CCR6: variants seen among roughly 807,000 people sequenced by gnomAD.
CCR6 encodes C-C chemokine receptor type 6.
Under a neutral mutation model 3.0 loss-of-function variants are expected in CCR6, and 2 were observed. The observed-to-expected ratio is 0.66, with a 90% CI of 0.27 to 2.07. The LOEUF (loss-of-function observed/expected upper bound fraction) is 2.07. Among genes scored for constraint, CCR6 ranks in the 30% most tolerant of loss-of-function variants. The pLI is 0.14. For missense variants in CCR6, 322 were observed against 462.8 expected (o/e 0.70, Z 2.79); for synonymous variants, 193 against 184.3 (o/e 1.05, Z -0.38).
At chr6:167,123,814 A>G (rs1031891268) in intron 1 of CCR6, among the ~76,000 whole-genome samples, 2 of 152,160 alleles carry the variant, frequency 1.3e-5, no homozygotes, top group African/African-American at 4.8e-5. Context: ...ATACACAATG[A>G]TATTAAAGGG....
chr6:167,117,019 C>T (rs1781503774), intron 1 of CCR6: 1 of 152,320 alleles, frequency 6.6e-6, no homozygotes, highest in Admixed American at 6.5e-5. Context: ...TCCTGTCGTC[C>T]TCCTGTGGCG....
intron 1 of CCR6, among the ~76,000 whole-genome samples, chr6:167,133,565 A>G (rs1224845743): frequency 6.6e-6 from 1 of 151,650 alleles, no homozygotes; most frequent in Non-Finnish European, 1.5e-5. Flanking sequence ...TCTTTTTCAA[A>G]ATTGTTTTGG....
chr6:167,135,436 A>G (rs561738798), intron 1 of CCR6, among the ~76,000 whole-genome samples: 1 of 152,340 alleles, frequency 6.6e-6, no homozygotes, highest in East Asian at 1.9e-4. Context: ...GCGCCTTCCC[A>G]GGCTGGAGCA....
At chr6:167,127,045 TACAG>T (rs556274778) in intron 1 of CCR6, 84 of 152,374 alleles carry the variant, frequency 5.5e-4, no homozygotes, top group African/African-American at 2.0e-3. Flanking sequence ...AACGGACTAA[TACAG>T]TCAACTTATT....
chr6:167,133,950 A>ATATATG (rs1172947680), intron 1 of CCR6, among the ~76,000 whole-genome samples: 5 of 45,684 alleles, frequency 1.1e-4, no homozygotes, highest in African/African-American at 2.1e-4. Flanking sequence ...ATATATATAT[A>ATATATG]TATATATATA....
At chr6:167,132,151 T>G (rs1781778416) in intron 1 of CCR6, among the ~76,000 whole-genome samples, 1 of 152,230 alleles carries the variant, frequency 6.6e-6, no homozygotes, top group Non-Finnish European at 1.5e-5. Flanking sequence ...GGAGCATGCA[T>G]TAGTCGCCCG....
At position 167,123,881 on chromosome 6, in the gene CCR6, C is replaced by G. The variant is rs573512938; in HGVS notation, c.-98+658C>G. On this transcript the variant is annotated intron_variant, in intron 1 of 2. Transcript: ENST00000341935. Reference sequence around the variant, plus strand: ...AATCTCAGCACTTTGGGAGACCAAGCTGGGTGTATCAGCTGAGGTCAGGAG... The same window carrying G: ...AATCTCAGCACTTTGGGAGACCAAGGTGGGTGTATCAGCTGAGGTCAGGAG... 2.0e-5 allele frequency among the ~76,000 whole-genome samples: 3 copies of G among 152,246 alleles called. No homozygotes were observed. The East Asian group carries it at 5.8e-4, about 29-fold the overall frequency.
In CCR6 at chr6:167,137,259, C is replaced by T. The variant is rs769049103; in HGVS notation, c.1029C>T (p.Ser343=). The change falls in exon 3 of 3, where the codon TCC becomes TCT. Residue 343 remains serine (S), a synonymous_variant. Transcript: ENST00000341935. This position sits in a 1 kb window ranked among gnomAD's most constrained non-coding sequence, Gnocchi z 4.6. The part of the protein sequence containing the change: ...DLWCVRRKYK[S]SGFSCAGRYS... ...GGTGTGTGAGAAGGAAGTACAAGTC[C>T]TCAGGCTTCTCCTGTGCCGGGAGGT... is the stretch of plus-strand genomic sequence containing the variant. The T allele has an allele frequency of 1.1e-5, 17 of 1,614,136 alleles. No homozygotes were observed. The highest frequency in any genetic ancestry group is 3.3e-4 in the Middle Eastern group (2 of 6,060).
intron 1 of CCR6, chr6:167,116,092 G>C (rs1781488053): frequency 6.6e-6 from 1 of 152,284 alleles, no homozygotes; most frequent in South Asian, 2.1e-4. Context: ...GCCGCCAGGA[G>C]GGAGCACACC....
chr6:167,117,542 G>A (rs536471369), intron 1 of CCR6, among the ~76,000 whole-genome samples: 1 of 145,950 alleles, frequency 6.9e-6, no homozygotes, highest in Non-Finnish European at 1.5e-5. Context: ...TCAGCCTCCC[G>A]AGTAGCTGGG....
upstream of CCR6, chr6:167,122,796 G>A (rs1041662990): frequency 3.9e-5 from 6 of 152,318 alleles, no homozygotes; most frequent in African/African-American, 1.2e-4. This position sits in a 1 kb window ranked among gnomAD's most constrained non-coding sequence, Gnocchi z 4.2. Flanking sequence ...CTTCCCAGTC[G>A]GCTTGCAGAG....
At chr6:167,132,602 G>A (rs190134065) in intron 1 of CCR6, among the ~76,000 whole-genome samples, 10 of 152,246 alleles carry the variant, frequency 6.6e-5, no homozygotes, top group Admixed American at 4.6e-4. Context: ...CTGCAGTGGC[G>A]TAATCTCAGC....
rs540329136 is a variant in CCR6 at position 167,116,209 on chromosome 6, T to C, written c.-98+4195T>C. On this transcript the variant is annotated intron_variant, in intron 1 of 2. Transcript: ENST00000400926. ...AGAATGCGGAACTCCTGGCTCTGTC[T>C]CTGGAGAACATTCCAGAGGTTGTGC... The C allele has an allele frequency of 1.5e-4, 23 of 152,348 alleles. No homozygotes were observed. In the East Asian group the frequency reaches 4.2e-3, roughly 28 times the overall value. 9.4% of individuals were successfully genotyped at this position (152,348 alleles called of 1,614,324 possible).
chr6:167,128,319 G>A lies in CCR6; in HGVS notation c.-98+5096G>A, dbSNP rs148986690. 2.9e-3 allele frequency among the ~76,000 whole-genome samples: 436 copies of A among 152,354 alleles called. 9 individuals carry two copies. Among genetic ancestry groups the A allele is most frequent in the Non-Finnish European group, 5.9e-4 (40 of 68,032 alleles). Reference sequence around the variant, plus strand: ...CGTGACATGGGGCCATGATTCTGCCGACAAGTGCTGTCCCCTGTGTCCGGT... The same window carrying A: ...CGTGACATGGGGCCATGATTCTGCCAACAAGTGCTGTCCCCTGTGTCCGGT... On this transcript the variant is annotated intron_variant, in intron 1 of 2. Transcript: ENST00000341935.
Position 167,137,329 on chromosome 6 carries a change from G to A in CCR6, c.1099G>A (p.Asp367Asn). 1 of 1,613,230 alleles carries A rather than the reference G, an allele frequency of 6.2e-7. No individual in the cohort carries two copies. The highest frequency in any genetic ancestry group is 8.5e-7 in the Non-Finnish European group (1 of 1,179,858). Residue 367 changes from aspartate to asparagine, a missense_variant, in exon 3 of 3, where the codon GAC becomes AAC. Asp to Asn is a conservative substitution (Grantham distance 23, BLOSUM62 1). Coordinates refer to ENST00000341935, the MANE Select transcript of CCR6 (RefSeq NM_031409.4). This position sits in a 1 kb window ranked among gnomAD's most constrained non-coding sequence, Gnocchi z 4.6. Reference sequence around the variant, plus strand: ...GCAGACCAGTGAGACCGCAGATAACGACAATGCGTCGTCCTTCACTATGTG... The same window carrying A: ...GCAGACCAGTGAGACCGCAGATAACAACAATGCGTCGTCCTTCACTATGTG... ...SRQTSETADN[D>N]NASSFTM
At chr6:167,132,129 G>A (rs954986147) in intron 1 of CCR6, among the ~76,000 whole-genome samples, 4 of 152,216 alleles carry the variant, frequency 2.6e-5, no homozygotes, top group African/African-American at 9.6e-5. Flanking sequence ...AAGGTTTTGA[G>A]TCACCCCCGT....
At chr6:167,126,769 G>T (rs1004979314) in intron 1 of CCR6, 25 of 152,274 alleles carry the variant, frequency 1.6e-4, no homozygotes, top group African/African-American at 6.0e-4. Context: ...ACCAGGTGGA[G>T]ATAATTGAAT....
chr6:167,131,692 T>G (rs1781769131), intron 1 of CCR6: 1 of 152,548 alleles, frequency 6.6e-6, no homozygotes, highest in African/African-American at 2.4e-5. Context: ...CCTTATGGAG[T>G]CCTCAAAAGC....
In CCR6 at chr6:167,136,729, A is replaced by G; in HGVS notation, c.499A>G (p.Ile167Val). 6.2e-7 allele frequency: 1 copy of G among 1,614,072 alleles called. No individual in the cohort carries two copies. The highest frequency in any genetic ancestry group is 8.5e-7 in the Non-Finnish European group (1 of 1,180,026). ...CAGAACACTACCGCGCAGCAAAATC[A>G]TCTGCCTTGTTGTGTGGGGGCTGTC... ...RSRTLPRSKI[I>V]CLVVWGLSVI... is the part of the protein sequence containing the mutation. The change falls in exon 3 of 3, where the codon ATC (isoleucine) becomes GTC (valine). Residue 167 changes from isoleucine to valine, a missense_variant. By Grantham distance (29) the Ile-to-Val change is conservative. Coordinates refer to ENST00000341935, the MANE Select transcript of CCR6 (RefSeq NM_031409.4). The surrounding 1 kb of genome is among the most constrained non-coding windows in gnomAD (Gnocchi z 4.6).
Sources: allele counts gnomAD v4.1 joint callset (sites outside exome capture counted in the v4.1 genomes callset), GRCh38; gene constraint gnomAD v4.1.1; non-coding constraint Gnocchi (gnomAD v3.1); transcripts MANE v1.5; gene names NCBI Gene and HGNC (gene_info 2026-07-23, HGNC 2026-07-21).